Variants in ZNF267 observed in about 807,000 individuals in gnomAD.
ZNF267 encodes zinc finger protein 267.
Under a neutral mutation model 71.6 loss-of-function variants are expected in ZNF267, and 61 were observed. That is an observed-to-expected ratio of 0.85 (90% CI 0.69 to 1.05). The LOEUF is 1.05. ZNF267 is among the 50% of genes least tolerant of loss of function. The pLI is 0.00. For missense variants in ZNF267, 852 were observed against 870.0 expected (o/e 0.98, Z 0.26); for synonymous variants, 288 against 293.2 (o/e 0.98, Z 0.18).
At position 31,915,709 on chromosome 16, in the gene ZNF267, C is replaced by A. The variant is rs1250753988; in HGVS notation, c.1460C>A (p.Thr487Asn). Residue 487 changes from threonine (T) to asparagine (N), a missense_variant, in exon 4 of 4, where the codon ACT (threonine) becomes AAT (asparagine). Coordinates refer to ENST00000300870, the MANE Select transcript of ZNF267 (RefSeq NM_003414.6). ...SNLIMHQRVHTGEKPYKCKEC... is the reference protein window; with the variant it reads ...SNLIMHQRVHNGEKPYKCKEC... ...CTTATTATGCATCAGAGAGTTCATACTGGAGAGAAGCCTTATAAATGTAAA... is the reference window on the plus strand; with the variant it reads ...CTTATTATGCATCAGAGAGTTCATAATGGAGAGAAGCCTTATAAATGTAAA... 1.2e-6 allele frequency: 2 copies of A among 1,613,548 alleles called. No homozygotes were observed. Among genetic ancestry groups the A allele is most frequent in the Non-Finnish European group, 1.7e-6 (2 of 1,179,920 alleles).
At chr16:31,909,520 A>T (rs2084119893) in intron 3 of ZNF267, among the ~76,000 whole-genome samples, 1 of 152,092 alleles carries the variant, frequency 6.6e-6, no homozygotes, top group Non-Finnish European at 1.5e-5. Context: ...CTAGGTATTT[A>T]ATTTTATTTG....
rs768521580 is a variant in ZNF267, at chr16:31,915,469, C to G, written c.1220C>G (p.Pro407Arg). 1.2e-6 allele frequency: 2 copies of G among 1,613,692 alleles called. No homozygotes were observed. The highest frequency in any genetic ancestry group is 1.7e-6 in the Non-Finnish European group (2 of 1,179,904). Reference protein sequence around the residue: ...VHQRIHTGEKPYKCKECGKAF... With the variant: ...VHQRIHTGEKRYKCKECGKAF... Reference sequence around the variant, plus strand: ...CAGAGAATTCACACTGGAGAGAAACCATACAAATGTAAAGAATGTGGCAAA... The same window carrying G: ...CAGAGAATTCACACTGGAGAGAAACGATACAAATGTAAAGAATGTGGCAAA... The change falls in exon 4 of 4, where the codon CCA (proline) becomes CGA (arginine). Residue 407 changes from proline (P) to arginine (R), a missense_variant. Pro to Arg is a moderately radical substitution (Grantham distance 103). Transcript: ENST00000300870.
intron 3 of ZNF267, among the ~76,000 whole-genome samples, chr16:31,904,090 A>T (rs2084066125): frequency 6.6e-6 from 1 of 152,134 alleles, no homozygotes; most frequent in African/African-American, 2.4e-5. Context: ...CATGTAGTTG[A>T]GCAGTTTTGA....
At chr16:31,909,225 G>T (rs141136094) in intron 3 of ZNF267, among the ~76,000 whole-genome samples, 2,060 of 149,026 alleles carry the variant, frequency 0.014, 53 homozygotes, top group African/African-American at 0.049. Flanking sequence ...TCCGCCTCCC[G>T]GGTTCAAGTG....
intron 3 of ZNF267, among the ~76,000 whole-genome samples, chr16:31,899,684 G>A (rs989954336): frequency 6.6e-6 from 1 of 152,138 alleles, no homozygotes; most frequent in East Asian, 1.9e-4. Context: ...TGAGAGATGT[G>A]CCTAACTGTG....
chr16:31,887,110 G>C (rs1301234749), intron 3 of ZNF267, among the ~76,000 whole-genome samples: 1 of 152,144 alleles, frequency 6.6e-6, no homozygotes, highest in Non-Finnish European at 1.5e-5. Flanking sequence ...ACAAGTGTGA[G>C]ATGATATCTT....
chr16:31,911,947 A>G (rs2084138828), intron 3 of ZNF267: 1 of 150,928 alleles, frequency 6.6e-6, no homozygotes, highest in Non-Finnish European at 1.5e-5. Context: ...AACTAGTAAA[A>G]ACTCTACCTT....
chr16:31,877,269 T>C (rs1032927002), intron 1 of ZNF267, among the ~76,000 whole-genome samples: 3 of 152,220 alleles, frequency 2.0e-5, no homozygotes, highest in Non-Finnish European at 4.4e-5. Flanking sequence ...ACATTTTATT[T>C]GATTTTGTCA....
At chr16:31,874,079 G>A in intron 1 of ZNF267, 110 bp downstream of exon 1, 3 of 1,262,622 alleles carry the variant, frequency 2.4e-6, no homozygotes, top group Non-Finnish European at 3.4e-6. Context: ...CTCGGGGTCT[G>A]GGCCCCGAGT....
At chr16:31,892,711 A>T (rs2083969549) in intron 3 of ZNF267, among the ~76,000 whole-genome samples, 1 of 152,260 alleles carries the variant, frequency 6.6e-6, no homozygotes, top group Non-Finnish European at 1.5e-5. Flanking sequence ...CCAGCAGGGC[A>T]GTCAAATCTT....
intron 3 of ZNF267, chr16:31,894,490 A>G: frequency 2.1e-6 from 1 of 484,302 alleles, no homozygotes; most frequent in Non-Finnish European, 4.1e-6. Flanking sequence ...TTTAAGAATC[A>G]TTAGCTCTTT....
At chr16:31,885,408 C>A in intron 3 of ZNF267, 152 bp downstream of exon 3, 1 of 601,684 alleles carries the variant, frequency 1.7e-6, no homozygotes, top group Non-Finnish European at 2.8e-6. Flanking sequence ...CAAAGAGGGA[C>A]ATCTTCTGTC....
At chr16:31,892,347 C>G (rs2083965913) in intron 3 of ZNF267, among the ~76,000 whole-genome samples, 1 of 152,118 alleles carries the variant, frequency 6.6e-6, no homozygotes, top group Non-Finnish European at 1.5e-5. Context: ...TACCTCCGAC[C>G]AGGTCCCTCC....
chr16:31,901,490 C>G (rs931384258), intron 3 of ZNF267, among the ~76,000 whole-genome samples: 13 of 152,330 alleles, frequency 8.5e-5, no homozygotes, highest in African/African-American at 2.2e-4. Flanking sequence ...GATCGCCATT[C>G]TAACTGGTGT....
intron 3 of ZNF267, among the ~76,000 whole-genome samples, chr16:31,892,683 C>T (rs1226265599): frequency 6.6e-6 from 1 of 152,162 alleles, no homozygotes; most frequent in African/African-American, 2.4e-5. Context: ...GGCTATAAGC[C>T]CCATGCAAGT....
At position 31,912,822 on chromosome 16, in the gene ZNF267, A is replaced by G. The variant is rs566364602; in HGVS notation, c.227-1654A>G. On this transcript the variant is annotated intron_variant, in intron 3 of 3. Coordinates refer to ENST00000300870, the MANE Select transcript of ZNF267 (RefSeq NM_003414.6). ...GACTGATGCATTCTTCAGTATGCCA[A>G]TTGCTTTTTTAACTTCAATTTCTGC... 41 of 151,734 alleles carry G rather than the reference A, an allele frequency of 2.7e-4. 1 individual carries two copies. The highest frequency in any genetic ancestry group is 1.2e-3 in the South Asian group (6 of 4,818). The allele number at this position is 151,734 out of a possible 1,614,324, so 9.4% of individuals were successfully genotyped here. A position where few individuals can be genotyped will look rare whatever the true frequency, so the allele number is the denominator to read the frequency against.
intron 3 of ZNF267, among the ~76,000 whole-genome samples, chr16:31,901,713 G>A (rs1486075455): frequency 6.6e-6 from 1 of 152,016 alleles, no homozygotes; most frequent in Non-Finnish European, 1.5e-5. Context: ...CAGATGAGTA[G>A]GTTGCAAAAA....
Position 31,915,746 on chromosome 16 carries a change from A to T in ZNF267, c.1497A>T (p.Lys499Asn). Residue 499 changes from lysine to asparagine, a missense_variant, in exon 4 of 4, where the codon AAA (lysine) becomes AAT (asparagine). Lys to Asn is a moderately conservative substitution (Grantham distance 94). Transcript: ENST00000300870. ...CTTATAAATGTAAAGAATGTGGCAAAGTCTTTAGCCGTAGTTCTTGCCTTA... is the reference window on the plus strand; with the variant it reads ...CTTATAAATGTAAAGAATGTGGCAATGTCTTTAGCCGTAGTTCTTGCCTTA... ...EKPYKCKECGKVFSRSSCLTQ... is the reference protein window; with the variant it reads ...EKPYKCKECGNVFSRSSCLTQ... 6.2e-7 allele frequency: 1 copy of T among 1,613,316 alleles called. No homozygotes were observed. The highest frequency in any genetic ancestry group is 8.5e-7 in the Non-Finnish European group (1 of 1,179,924).
Position 31,916,511 on chromosome 16 carries a change from T to A in ZNF267, c.*30T>A, listed in dbSNP as rs763729962. On this transcript the variant is annotated 3_prime_UTR_variant, in exon 4 of 4. Transcript: ENST00000300870. Reference sequence around the variant, plus strand: ...GTAAAACATGGAGCAGATTTTTTACTTGTTACCCATGTCTTATTGTGCATC... The same window carrying A: ...GTAAAACATGGAGCAGATTTTTTACATGTTACCCATGTCTTATTGTGCATC... 1.3e-5 allele frequency: 20 copies of A among 1,578,060 alleles called. No homozygotes were observed. Among genetic ancestry groups the A allele is most frequent in the Admixed American group, 1.8e-5 (1 of 56,536 alleles).
Sources: gnomAD v4.1 joint callset for allele counts (sites outside exome capture counted in the v4.1 genomes callset) on GRCh38, gnomAD v4.1.1 for gene constraint, MANE v1.5 for transcripts, NCBI Gene and HGNC (gene_info 2026-07-23, HGNC 2026-07-21) for gene names.